Variants in PDLIM5 observed in about 807,000 individuals in gnomAD.
PDLIM5 encodes PDZ and LIM domain 5.
PDLIM5 carries 34 observed loss-of-function variants against 64.2 expected under a neutral mutation model. That is an observed-to-expected ratio of 0.53 (90% CI 0.40 to 0.71). PDLIM5 has a LOEUF of 0.71. PDLIM5 is among the 30% of genes least tolerant of loss of function. The probability of loss-of-function intolerance (pLI) is 0.00; values close to 1 mark genes in which losing one functional copy is unlikely to be tolerated. For missense variants in PDLIM5, 683 were observed against 733.6 expected (o/e 0.93, Z 0.80); for synonymous variants, 253 against 269.1 (o/e 0.94, Z 0.59).
rs542659173 is a variant in PDLIM5, at chr4:94,541,534, A to C, written c.248+17659A>C. ...AAGTCCTAGCCACAGATTGGCAAGG[A>C]CAGTTTTGTGGGGGCAGCCCCACAT... On this transcript the variant is annotated intron_variant, in intron 3 of 12. Transcript: ENST00000317968. Among the ~76,000 whole-genome samples, 18 of 152,362 alleles carry C rather than the reference A, an allele frequency of 1.2e-4. No individual in the cohort carries two copies. The South Asian group carries it at 3.7e-3, about 32-fold the overall frequency.
chr4:94,574,114 C>G (rs1735041111), intron 4 of PDLIM5, among the ~76,000 whole-genome samples: 1 of 152,218 alleles, frequency 6.6e-6, no homozygotes, highest in African/African-American at 2.4e-5. Flanking sequence ...CTTCTGGTCC[C>G]AAGCTGTCTA....
intron 2 of PDLIM5, among the ~76,000 whole-genome samples, chr4:94,523,228 C>G (rs766043584): frequency 1.4e-4 from 22 of 152,208 alleles, no homozygotes; most frequent in Non-Finnish European, 2.8e-4. Flanking sequence ...TCCCCAAACC[C>G]TGGATATGAA....
chr4:94,648,325 T>C (rs2110476038), intron 9 of PDLIM5, among the ~76,000 whole-genome samples: 1 of 152,260 alleles, frequency 6.6e-6, no homozygotes, highest in East Asian at 1.9e-4. Context: ...CACAGGTTTT[T>C]GTTTTTTGTT....
chr4:94,529,175 C>G (rs776041992), intron 3 of PDLIM5, among the ~76,000 whole-genome samples: 9 of 152,184 alleles, frequency 5.9e-5, no homozygotes, highest in Admixed American at 3.9e-4. Flanking sequence ...GGCCAGGGAT[C>G]TAGAGCAGCG....
At chr4:94,486,140 C>T (rs1455741115) in intron 2 of PDLIM5, among the ~76,000 whole-genome samples, 1 of 152,084 alleles carries the variant, frequency 6.6e-6, no homozygotes, top group Non-Finnish European at 1.5e-5. Flanking sequence ...TGTAGCTTAT[C>T]GTCTGTGAAC....
intron 11 of PDLIM5, among the ~76,000 whole-genome samples, chr4:94,659,390 C>T (rs1264091538): frequency 6.6e-6 from 1 of 152,130 alleles, no homozygotes; most frequent in African/African-American, 2.4e-5. Flanking sequence ...CTTGCTTTCA[C>T]CCTTTTTCTG....
At position 94,666,172 on chromosome 4, in the gene PDLIM5, G is replaced by A. The variant is rs1019050649; in HGVS notation, c.*2105G>A. On this transcript the variant is annotated 3_prime_UTR_variant, in exon 13 of 13. Coordinates refer to ENST00000317968, the MANE Select transcript of PDLIM5 (RefSeq NM_006457.5). ...CCATTGTGTGCATGTTTGTTATAGAGGAGGTTTTAGGCTACAATATTTGTT... is the reference window on the plus strand; with the variant it reads ...CCATTGTGTGCATGTTTGTTATAGAAGAGGTTTTAGGCTACAATATTTGTT... The A allele has an allele frequency of 6.6e-6, 4 of 610,524 alleles. No homozygotes were observed. The African/African-American group carries it at 7.5e-5, about 11-fold the overall frequency. 37.8% of individuals were successfully genotyped at this position (610,524 alleles called of 1,614,324 possible). A position where few individuals can be genotyped will look rare whatever the true frequency, so the allele number is the denominator to read the frequency against.
intron 2 of PDLIM5, among the ~76,000 whole-genome samples, chr4:94,485,812 T>C (rs1726267439): frequency 7.0e-6 from 1 of 142,442 alleles, no homozygotes; most frequent in Admixed American, 7.3e-5. Context: ...ATTGCGCCAC[T>C]GCACTCCAGC....
chr4:94,567,033 G>A (rs551646336), intron 3 of PDLIM5, among the ~76,000 whole-genome samples: 16 of 152,220 alleles, frequency 1.1e-4, no homozygotes, highest in Middle Eastern at 3.4e-3. Flanking sequence ...TCGCTCTGTC[G>A]CCCAGGCTGG....
At chr4:94,487,475 A>G (rs1453750690) in intron 2 of PDLIM5, among the ~76,000 whole-genome samples, 3 of 152,200 alleles carry the variant, frequency 2.0e-5, no homozygotes, top group African/African-American at 4.8e-5. Flanking sequence ...ATGTTCTTCA[A>G]TTTACAATTA....
At chr4:94,528,379 C>G (rs1033325337) in intron 3 of PDLIM5, among the ~76,000 whole-genome samples, 7 of 152,140 alleles carry the variant, frequency 4.6e-5, no homozygotes, top group African/African-American at 1.7e-4. Context: ...AGGGCAATTC[C>G]ACGAGTCTTA....
At chr4:94,457,115 A>G (rs2126074008) in intron 2 of PDLIM5, 9 of 906,794 alleles carry the variant, frequency 9.9e-6, no homozygotes, top group South Asian at 5.1e-5. Flanking sequence ...TGTGTATCCA[A>G]CTTCATTTTG....
Position 94,657,414 on chromosome 4 carries a change from C to A in PDLIM5, c.1465-13C>A. ...ATCTTCTTTTTTTACATCCAATTACCTTTCTGTAACAGGAAGTCATCAGTG... is the reference window on the plus strand; with the variant it reads ...ATCTTCTTTTTTTACATCCAATTACATTTCTGTAACAGGAAGTCATCAGTG... On this transcript the variant is annotated splice_polypyrimidine_tract_variant and intron_variant, in intron 10 of 12. Transcript: ENST00000317968. The A allele has an allele frequency of 6.4e-7, 1 of 1,558,266 alleles. No individual in the cohort carries two copies. The highest frequency in any genetic ancestry group is 8.8e-7 in the Non-Finnish European group (1 of 1,131,592).
chr4:94,506,147 A>G (rs2452564), intron 2 of PDLIM5, among the ~76,000 whole-genome samples: 31,954 of 152,220 alleles, frequency 0.21, 3,666 homozygotes, highest in East Asian at 0.26. Context: ...ATTTCATAGT[A>G]TCACAGATTT....
chr4:94,573,643 A>G (rs983567889), intron 4 of PDLIM5: 2 of 477,572 alleles, frequency 4.2e-6, no homozygotes, highest in African/African-American at 1.9e-5. Context: ...GATTTCTTAC[A>G]TTTCTATTCA....
At chr4:94,652,121 C>T (rs776737051) in intron 9 of PDLIM5, among the ~76,000 whole-genome samples, 20 of 152,050 alleles carry the variant, frequency 1.3e-4, no homozygotes, top group Non-Finnish European at 2.6e-4. Context: ...AGACATGTTC[C>T]AGGAGCAGAG....
chr4:94,573,300 T>C, intron 3 of PDLIM5, 51 bp from the exon 4 acceptor site: 1 of 1,460,764 alleles, frequency 6.8e-7, no homozygotes, highest in Non-Finnish European at 9.5e-7. Flanking sequence ...AGTCTGCAAG[T>C]TTATAAAAAT....
chr4:94,640,364 T>G lies in PDLIM5; in HGVS notation c.1197T>G (p.Ser399Arg). Reference protein sequence around the residue: ...ANSALGQTQPSDQDTLVQRAE... With the variant: ...ANSALGQTQPRDQDTLVQRAE... ...CAGCTTTGGGACAAACCCAGCCAAG[T>G]GACCAGGACACTTTAGTGCAAAGAG... is the stretch of plus-strand genomic sequence containing the variant. The change falls in exon 9 of 13, where the codon AGT (serine) becomes AGG (arginine). Residue 399 changes from serine (S) to arginine (R), a missense_variant. By Grantham distance (110) the Ser-to-Arg change is moderately radical. Coordinates refer to ENST00000317968, the MANE Select transcript of PDLIM5 (RefSeq NM_006457.5). The G allele has an allele frequency of 6.2e-7, 1 of 1,613,518 alleles. No homozygotes were observed. The highest frequency in any genetic ancestry group is 1.3e-5 in the African/African-American group (1 of 75,032).
rs1723239494 is a variant in PDLIM5, at chr4:94,455,364, A to G, written c.76A>G (p.Met26Val). The G allele has an allele frequency of 6.2e-7, 1 of 1,610,588 alleles. No individual in the cohort carries two copies. The highest frequency in any genetic ancestry group is 8.5e-7 in the Non-Finnish European group (1 of 1,176,872). Residue 26 changes from methionine to valine, a missense_variant, in exon 2 of 13, where the codon ATG (methionine) becomes GTG (valine). Coordinates refer to ENST00000317968, the MANE Select transcript of PDLIM5 (RefSeq NM_006457.5). ...GCTGCAGGGCGGTAAGGATTTCAAC[A>G]TGCCTCTGACAATCTCTAGTGTAAG... ...FRLQGGKDFN[M>V]PLTISSLKDG...
Sources: gnomAD v4.1 joint callset for allele counts (sites outside exome capture counted in the v4.1 genomes callset) on GRCh38, gnomAD v4.1.1 for gene constraint, MANE v1.5 for transcripts, NCBI Gene and HGNC (gene_info 2026-07-23, HGNC 2026-07-21) for gene names.